REXO1: variants seen among roughly 807,000 people sequenced by gnomAD.
The protein encoded by REXO1 is RNA exonuclease 1 homolog, also known as REX1, RNA exonuclease 1 homolog.
REXO1 carries 42 observed loss-of-function variants against 102.6 expected under a neutral mutation model. The observed-to-expected ratio is 0.41, with a 90% CI of 0.32 to 0.53. REXO1 has a LOEUF of 0.53. REXO1 is among the 20% of genes least tolerant of loss of function. REXO1 has a pLI of 0.27. For synonymous variants in REXO1, 908 were observed against 779.1 expected (o/e 1.17, Z -2.76); for missense variants, 1,819 against 1,732.5 (o/e 1.05, Z -0.89).
At chr19:1,832,399 T>G (rs2069931088) in intron 1 of REXO1, among the ~76,000 whole-genome samples, 1 of 152,178 alleles carries the variant, frequency 6.6e-6, no homozygotes, top group African/African-American at 2.4e-5. Flanking sequence ...GGAAAACAGC[T>G]GCCCGCTGCC....
intron 1 of REXO1, among the ~76,000 whole-genome samples, chr19:1,842,885 GGCAACA>G (rs1457107482): frequency 6.6e-6 from 1 of 152,120 alleles, no homozygotes; most frequent in Non-Finnish European, 1.5e-5. Flanking sequence ...AGAGACCCGT[GGCAACA>G]CGGACAGGCC....
intron 1 of REXO1, among the ~76,000 whole-genome samples, chr19:1,830,279 C>A (rs889611104): frequency 1.3e-5 from 2 of 152,140 alleles, no homozygotes; most frequent in African/African-American, 4.8e-5. Flanking sequence ...GAGGCTGAGG[C>A]GGGAGGATAC....
intron 1 of REXO1, among the ~76,000 whole-genome samples, chr19:1,833,085 G>A (rs1321953658): frequency 2.6e-5 from 4 of 152,096 alleles, no homozygotes; most frequent in African/African-American, 4.8e-5. Flanking sequence ...TGAGCTGGGT[G>A]TGATGGTTGC....
At chr19:1,820,535 A>C in intron 5 of REXO1, 140 bp from the exon 6 acceptor site, 1 of 953,998 alleles carries the variant, frequency 1.0e-6, no homozygotes, top group Non-Finnish European at 1.6e-6. Context: ...TGCAGTAGGG[A>C]CAGACACGCC....
chr19:1,816,641 G>GGGGGC, intron 13 of REXO1, 57 bp downstream of exon 13: 9 of 1,021,762 alleles, frequency 8.8e-6, no homozygotes, highest in Admixed American at 1.8e-5. Context: ...GGGAGGGTGG[G>GGGGGC]TCCCTGGGGA....
At chr19:1,841,671 C>T (rs945536186) in intron 1 of REXO1, among the ~76,000 whole-genome samples, 1 of 152,218 alleles carries the variant, frequency 6.6e-6, no homozygotes, top group Non-Finnish European at 1.5e-5. Flanking sequence ...CCTGAACCTC[C>T]AGTCTGCAGT....
At chr19:1,817,044 T>C in intron 12 of REXO1, 175 bp downstream of exon 12, 1 of 834,224 alleles carries the variant, frequency 1.2e-6, no homozygotes, top group Non-Finnish European at 1.8e-6. Flanking sequence ...TGTGCTTGGC[T>C]CTGCTGGGAA....
At position 1,826,980 on chromosome 19, in the gene REXO1, C is replaced by G. The variant is rs1471155324; in HGVS notation, c.1809G>C (p.Glu603Asp). The G allele has an allele frequency of 1.9e-6, 3 of 1,564,894 alleles. No homozygotes were observed. In the Admixed American group the frequency reaches 5.6e-5, roughly 29 times the overall value. ...AGADVDYSAL[E>D]KEVDFDSDPM... ...GGTCGGAGTCAAAGTCCACCTCCTT[C>G]TCCAGGGCCGAGTAGTCCACATCCG... is the stretch of plus-strand genomic sequence containing the variant. Residue 603 changes from glutamate (E) to aspartate (D), a missense_variant, in exon 2 of 16, where the codon GAG becomes GAC. Glu to Asp is a conservative substitution (Grantham distance 45, BLOSUM62 2). Transcript: ENST00000170168. This position sits in a 1 kb window ranked among gnomAD's most constrained non-coding sequence, Gnocchi z 4.3.
chr19:1,819,186 G>A, intron 7 of REXO1, 55 bp from the exon 8 acceptor site: 2 of 1,341,596 alleles, frequency 1.5e-6, no homozygotes, highest in Non-Finnish European at 1.0e-6. Context: ...TCAGACCCCT[G>A]CCCCGCCTGC....
chr19:1,817,018 G>A (rs549426730), intron 12 of REXO1, among the ~76,000 whole-genome samples: 6 of 152,284 alleles, frequency 3.9e-5, no homozygotes, highest in South Asian at 4.2e-4. Context: ...AGGCAGAGCC[G>A]GGGCCCAGTG....
At chr19:1,844,708 C>G (rs1166906230) in intron 1 of REXO1, among the ~76,000 whole-genome samples, 1 of 152,232 alleles carries the variant, frequency 6.6e-6, no homozygotes, top group African/African-American at 2.4e-5. Flanking sequence ...GATCCTGAAC[C>G]CGACTGCGGG....
In REXO1 at chr19:1,827,593, G is replaced by C. The variant is rs746210959; in HGVS notation, c.1196C>G (p.Thr399Ser). 2 of 1,589,658 alleles carry C rather than the reference G, an allele frequency of 1.3e-6. No individual in the cohort carries two copies. The highest frequency in any genetic ancestry group is 2.2e-5 in the East Asian group (1 of 44,740). Residue 399 changes from threonine (T) to serine (S), a missense_variant, in exon 2 of 16, where the codon ACC (threonine) becomes AGC (serine). By Grantham distance (58) the Thr-to-Ser change is moderately conservative (BLOSUM62 1). Coordinates refer to ENST00000170168, the MANE Select transcript of REXO1 (RefSeq NM_020695.4). ...CKDGAQGKDKTKDKGRGRPVE... is the reference protein window; with the variant it reads ...CKDGAQGKDKSKDKGRGRPVE... ...AGGCCGCCCTCGGCCCTTGTCCTTGGTCTTGTCCTTCCCCTGGGCCCCGTC... is the reference window on the plus strand; with the variant it reads ...AGGCCGCCCTCGGCCCTTGTCCTTGCTCTTGTCCTTCCCCTGGGCCCCGTC...
At chr19:1,819,863 G>T (rs1170400790) in intron 7 of REXO1, 71 bp downstream of exon 7, 3 of 1,449,996 alleles carry the variant, frequency 2.1e-6, no homozygotes, top group African/African-American at 2.9e-5. Flanking sequence ...GAAGGTCCCA[G>T]CGAGGGTCCC....
intron 5 of REXO1, among the ~76,000 whole-genome samples, chr19:1,820,861 T>C (rs1405271218): frequency 1.3e-5 from 2 of 151,728 alleles, no homozygotes; most frequent in Admixed American, 6.6e-5. Flanking sequence ...AGCTGGGGTG[T>C]GATGACACCG....
Position 1,827,988 on chromosome 19 carries a change from G to C in REXO1, c.801C>G (p.Pro267=). The change falls in exon 2 of 16, where the codon CCC becomes CCG. Residue 267 remains proline, a synonymous_variant. Transcript: ENST00000170168. The stretch of plus-strand genomic sequence containing the variant: ...AGAGCTTCTTGGGAGCAGGTGTGTA[G>C]GGCTCACTGCCGCGGGAGCCCCGGG... The part of the protein sequence containing the change: ...KRPRGSRGSE[P]YTPAPKKLCD... 1 of 1,613,426 alleles carries C rather than the reference G, an allele frequency of 6.2e-7. No individual in the cohort carries two copies. Among genetic ancestry groups the C allele is most frequent in the South Asian group, 1.1e-5 (1 of 91,076 alleles).
At chr19:1,820,096 C>G in intron 6 of REXO1, 39 bp from the exon 7 acceptor site, 1 of 1,586,984 alleles carries the variant, frequency 6.3e-7, no homozygotes, top group Non-Finnish European at 8.5e-7. Context: ...CCATGCCTGC[C>G]TGGTGCCGGG....
rs772683241 is a variant in REXO1 at position 1,828,293 on chromosome 19, G to T, written c.496C>A (p.Gln166Lys). ...GCAGGGGCGGCCAGTGGGGTGGGCT[G>T]GTAGCCGGCATCAGGGCTTAATAGG... is the stretch of plus-strand genomic sequence containing the variant. ...HGLLSPDAGY[Q>K]PTPLAAPAEP... The change falls in exon 2 of 16, where the codon CAG becomes AAG. Residue 166 changes from glutamine (Q) to lysine (K), a missense_variant. Coordinates refer to ENST00000170168, the MANE Select transcript of REXO1 (RefSeq NM_020695.4). The T allele has an allele frequency of 7.7e-5, 124 of 1,607,312 alleles. 1 individual carries two copies. The Admixed American group carries it at 2.0e-3, about 26-fold the overall frequency.
At chr19:1,819,607 C>A (rs1362274478) in intron 7 of REXO1, among the ~76,000 whole-genome samples, 1 of 152,226 alleles carries the variant, frequency 6.6e-6, no homozygotes, top group African/African-American at 2.4e-5. Flanking sequence ...TCTTCCTCCC[C>A]AGAGCTTAAT....
chr19:1,836,662 C>T (rs2145313896), intron 1 of REXO1, among the ~76,000 whole-genome samples: 1 of 146,808 alleles, frequency 6.8e-6, no homozygotes, highest in East Asian at 2.1e-4. Flanking sequence ...AGGAGAATCA[C>T]TTGAACCCGG....
Sources: allele counts gnomAD v4.1 joint callset (sites outside exome capture counted in the v4.1 genomes callset), GRCh38; gene constraint gnomAD v4.1.1; non-coding constraint Gnocchi (gnomAD v3.1); transcripts MANE v1.5; gene names NCBI Gene and HGNC (gene_info 2026-07-23, HGNC 2026-07-21).